ADAM23: variants seen among roughly 807,000 people sequenced by gnomAD.
ADAM23 encodes disintegrin and metalloproteinase domain-containing protein 23.
Under a neutral mutation model 120.1 loss-of-function variants are expected in ADAM23, and 33 were observed. That is an observed-to-expected ratio of 0.27 (90% CI 0.21 to 0.37). The LOEUF (loss-of-function observed/expected upper bound fraction) is 0.37. Among genes scored for constraint, ADAM23 ranks in the 10% least tolerant of loss-of-function variants. The pLI, the probability that ADAM23 is intolerant of heterozygous loss-of-function variation, is 1.00. For missense variants in ADAM23, 862 were observed against 1,058.2 expected, an observed-to-expected ratio of 0.81 and a Z score of 2.57; for synonymous variants, 367 against 375.2, an observed-to-expected ratio of 0.98 and a Z score of 0.25.
At chr2:206,505,093 G>C (rs546419614) in intron 3 of ADAM23, among the ~76,000 whole-genome samples, 5 of 152,138 alleles carry the variant, frequency 3.3e-5, no homozygotes, top group Non-Finnish European at 5.9e-5. Context: ...GGAAGAAGGG[G>C]CTATCAAACC....
intron 9 of ADAM23, among the ~76,000 whole-genome samples, chr2:206,553,451 T>C (rs1283684975): frequency 1.3e-5 from 2 of 152,058 alleles, no homozygotes; most frequent in Admixed American, 6.6e-5. Context: ...AGAGGAAAGC[T>C]TTTATTTTTG....
chr2:206,587,225 T>C, intron 18 of ADAM23, 100 bp from the exon 19 acceptor site: 1 of 777,882 alleles, frequency 1.3e-6, no homozygotes, highest in Non-Finnish European at 2.1e-6. Flanking sequence ...TCAATGTTTC[T>C]AGTTATATAT....
At chr2:206,484,634 A>C (rs1370996566) in intron 3 of ADAM23, among the ~76,000 whole-genome samples, 1 of 152,152 alleles carries the variant, frequency 6.6e-6, no homozygotes, top group Admixed American at 6.6e-5. Flanking sequence ...GATGAGGTCA[A>C]GAGGAGGCTA....
chr2:206,560,024 A>G lies in ADAM23; in HGVS notation c.1075A>G (p.Ile359Val), dbSNP rs201936968. ...AGAGACCTGGACTGAGAAGGATCAGATTGACATCACCACCAACCCTGTGCA... is the reference window on the plus strand; with the variant it reads ...AGAGACCTGGACTGAGAAGGATCAGGTTGACATCACCACCAACCCTGTGCA... ...AVETWTEKDQ[I>V]DITTNPVQML... Residue 359 changes from isoleucine to valine, a missense_variant, in exon 11 of 26, where the codon ATT becomes GTT. By Grantham distance (29) the Ile-to-Val change is conservative (BLOSUM62 3). Coordinates refer to ENST00000264377, the MANE Select transcript of ADAM23 (RefSeq NM_003812.4). 2.5e-6 allele frequency: 4 copies of G among 1,614,156 alleles called. No individual in the cohort carries two copies. The highest frequency in any genetic ancestry group is 2.5e-6 in the Non-Finnish European group (3 of 1,180,018).
At position 206,555,468 on chromosome 2, in the gene ADAM23, T is replaced by A. The variant is rs918918774; in HGVS notation, c.934-1959T>A. On this transcript the variant is annotated intron_variant, in intron 9 of 25. Coordinates refer to ENST00000264377, the MANE Select transcript of ADAM23 (RefSeq NM_003812.4). The stretch of plus-strand genomic sequence containing the variant: ...AGCCTCCATTATCTCTTACCTGGAC[T>A]ATTGCAGTAGCTTCCCAACAGGTAT... 3.3e-5 allele frequency among the ~76,000 whole-genome samples: 5 copies of A among 152,194 alleles called. No individual in the cohort carries two copies. In the East Asian group the frequency reaches 9.6e-4, roughly 29 times the overall value.
Position 206,530,954 on chromosome 2 carries a change from GT to G in ADAM23, c.573+8del. ...GGAAACCACAGTACTCTAAGGTACGGTTACCGGCGTCGGCAAGTACTCTAGT... is the reference window on the plus strand; with the variant it reads ...GGAAACCACAGTACTCTAAGGTACGGTACCGGCGTCGGCAAGTACTCTAGT... On this transcript the variant is annotated splice_region_variant and intron_variant, in intron 4 of 25. Transcript: ENST00000264377. The G allele has an allele frequency of 8.7e-6, 14 of 1,613,016 alleles. No homozygotes were observed. The highest frequency in any genetic ancestry group is 1.0e-5 in the Non-Finnish European group (12 of 1,179,266).
At chr2:206,462,178 C>G (rs551911088) in intron 2 of ADAM23, among the ~76,000 whole-genome samples, 124 of 152,100 alleles carry the variant, frequency 8.2e-4, no homozygotes, top group African/African-American at 2.7e-3. Context: ...AACTGATGAC[C>G]AATTTGCATA....
intron 2 of ADAM23, among the ~76,000 whole-genome samples, chr2:206,475,989 A>G (rs1284774352): frequency 6.6e-6 from 1 of 152,232 alleles, no homozygotes; most frequent in Admixed American, 6.5e-5. Flanking sequence ...TAGCTGCTGT[A>G]TTCAGTGTTT....
chr2:206,571,878 G>A, intron 17 of ADAM23, 62 bp downstream of exon 17: 5 of 1,371,254 alleles, frequency 3.6e-6, no homozygotes, highest in South Asian at 1.2e-5. Context: ...ATCTCAGTGT[G>A]TACACTGAGC....
chr2:206,555,965 A>G lies in ADAM23; in HGVS notation c.934-1462A>G, dbSNP rs539703940. ...GGCAACTTAAAATGCTGAGCTATCTATAGAAACTTCTTTATGCCAAGTTTA... is the reference window on the plus strand; with the variant it reads ...GGCAACTTAAAATGCTGAGCTATCTGTAGAAACTTCTTTATGCCAAGTTTA... On this transcript the variant is annotated intron_variant, in intron 9 of 25. Transcript: ENST00000264377. Among the ~76,000 whole-genome samples, 49 of 152,314 alleles carry G rather than the reference A, an allele frequency of 3.2e-4. 1 individual carries two copies. The South Asian group carries it at 8.3e-3, about 26-fold the overall frequency.
intron 2 of ADAM23, among the ~76,000 whole-genome samples, chr2:206,472,910 G>A (rs1211131957): frequency 6.6e-6 from 1 of 152,180 alleles, no homozygotes; most frequent in Non-Finnish European, 1.5e-5. Flanking sequence ...GATGTTCATC[G>A]TGGGTTGTGA....
chr2:206,530,228 A>G (rs2105797508), intron 3 of ADAM23, among the ~76,000 whole-genome samples: 1 of 152,386 alleles, frequency 6.6e-6, no homozygotes. Context: ...GAATACAGCC[A>G]TGCTCATTTG....
In ADAM23 at chr2:206,443,956, C is replaced by T; in HGVS notation, c.90C>T (p.Ala30=). The T allele has an allele frequency of 3.9e-6, 5 of 1,280,986 alleles. No homozygotes were observed. Among genetic ancestry groups the T allele is most frequent in the Non-Finnish European group, 4.9e-6 (5 of 1,017,842 alleles). The allele number at this position is 1,280,986 out of a possible 1,614,324, so 79.4% of individuals were successfully genotyped here. The part of the protein sequence containing the change: ...GASCGPQRGP[A]GSVPASAPAR... Reference sequence around the variant, plus strand: ...CCTGCGGCCCCCAACGCGGCCCCGCCGGCTCGGTGCCTGCCAGCGCCCCGG... The same window carrying T: ...CCTGCGGCCCCCAACGCGGCCCCGCTGGCTCGGTGCCTGCCAGCGCCCCGG... The change falls in exon 1 of 26, where the codon GCC becomes GCT. Residue 30 remains alanine, a synonymous_variant. Transcript: ENST00000264377.
chr2:206,563,229 T>C (rs552376717), intron 13 of ADAM23, among the ~76,000 whole-genome samples: 2 of 152,328 alleles, frequency 1.3e-5, no homozygotes, highest in African/African-American at 4.8e-5. Context: ...TTTGAAAATA[T>C]GAGACACTGG....
chr2:206,495,789 T>G (rs1189473798), intron 3 of ADAM23, among the ~76,000 whole-genome samples: 1 of 151,546 alleles, frequency 6.6e-6, no homozygotes, highest in African/African-American at 2.4e-5. Flanking sequence ...AGGCTCAAAA[T>G]AAAGGGATGG....
At chr2:206,500,220 A>G (rs897826901) in intron 3 of ADAM23, among the ~76,000 whole-genome samples, 6 of 152,216 alleles carry the variant, frequency 3.9e-5, no homozygotes, top group Middle Eastern at 3.4e-3. Context: ...CATTAGATCT[A>G]TTGTCATGGT....
At chr2:206,583,920 G>T (rs924517710) in intron 18 of ADAM23, among the ~76,000 whole-genome samples, 4 of 152,068 alleles carry the variant, frequency 2.6e-5, no homozygotes, top group Admixed American at 6.5e-5. Context: ...TTTTTGGGGG[G>T]TGTTGAAGAG....
chr2:206,526,480 C>T (rs1696950682), intron 3 of ADAM23, among the ~76,000 whole-genome samples: 1 of 152,156 alleles, frequency 6.6e-6, no homozygotes, highest in Non-Finnish European at 1.5e-5. Context: ...CAGTTCTTCT[C>T]CAAATCATGA....
intron 5 of ADAM23, among the ~76,000 whole-genome samples, chr2:206,542,590 A>G (rs1223341351): frequency 6.6e-6 from 1 of 152,156 alleles, no homozygotes; most frequent in African/African-American, 2.4e-5. Context: ...GGTGGGCTCT[A>G]ACAAAACCAT....
Sources: gnomAD v4.1 joint callset for allele counts (sites outside exome capture counted in the v4.1 genomes callset) on GRCh38, gnomAD v4.1.1 for gene constraint, MANE v1.5 for transcripts, NCBI Gene and HGNC (gene_info 2026-07-23, HGNC 2026-07-21) for gene names.